Variants in BLTP1 observed in about 807,000 individuals in gnomAD.
BLTP1 encodes fragile site-associated protein.
chr4:122,336,212 G>C, the BLTP1 span: 1 of 1,604,524 alleles, frequency 6.2e-7, no homozygotes, highest in Non-Finnish European at 8.5e-7. Context: ...AGGAAGTGGA[G>C]GAGTAAAAAC....
At chr4:122,179,722 A>T in the BLTP1 span, 1 of 401,922 alleles carries the variant, frequency 2.5e-6, no homozygotes, top group Non-Finnish European at 3.4e-6. Flanking sequence ...GTGCACATAT[A>T]GGTACACTTA....
At chr4:122,303,111 G>A in the BLTP1 span, among the ~76,000 whole-genome samples, 1 of 152,182 alleles carries the variant, frequency 6.6e-6, no homozygotes, top group Non-Finnish European at 1.5e-5. Context: ...GGCTTCAAAG[G>A]ACAGGCTGAC....
the BLTP1 span, chr4:122,256,012 G>A: frequency 1.0e-6 from 1 of 967,180 alleles, no homozygotes. Flanking sequence ...ATGATTGAGG[G>A]GAGAATATAC....
At chr4:122,179,196 A>G in the BLTP1 span, among the ~76,000 whole-genome samples, 3 of 152,160 alleles carry the variant, frequency 2.0e-5, no homozygotes, top group Non-Finnish European at 4.4e-5. Context: ...AACATGCCTC[A>G]GGCTGAGTTA....
the BLTP1 span, among the ~76,000 whole-genome samples, chr4:122,180,437 C>T: frequency 6.6e-6 from 1 of 152,150 alleles, no homozygotes; most frequent in Non-Finnish European, 1.5e-5. Context: ...CAGCTCAGCT[C>T]TATTGCACTC....
the BLTP1 span, chr4:122,298,750 T>C: frequency 4.2e-5 from 22 of 525,502 alleles, no homozygotes; most frequent in Non-Finnish European, 5.1e-5. Context: ...TATTGAGGCA[T>C]AGGAATGATT....
the BLTP1 span, chr4:122,175,331 T>C: frequency 0.38 from 337,302 of 887,904 alleles, 64,945 homozygotes; most frequent in Middle Eastern, 0.55. Flanking sequence ...GACTGTAAGT[T>C]CATCCTTTTG....
At chr4:122,276,144 G>C in the BLTP1 span, 3 of 824,598 alleles carry the variant, frequency 3.6e-6, no homozygotes, top group Non-Finnish European at 5.1e-6. Context: ...CTGTAATATA[G>C]GCCCTTTTAT....
chr4:122,222,124 C>A, the BLTP1 span, among the ~76,000 whole-genome samples: 1 of 152,144 alleles, frequency 6.6e-6, no homozygotes, highest in Non-Finnish European at 1.5e-5. Context: ...ACAACTTACC[C>A]CGAAGACAAA....
the BLTP1 span, chr4:122,243,740 C>T: frequency 1.6e-6 from 2 of 1,276,254 alleles, no homozygotes; most frequent in African/African-American, 3.1e-5. Context: ...AAGTCAAGTC[C>T]AATTCCATAA....
chr4:122,165,447 C>A, the BLTP1 span, among the ~76,000 whole-genome samples: 1 of 148,422 alleles, frequency 6.7e-6, no homozygotes, highest in African/African-American at 2.4e-5. Flanking sequence ...GTATATGTGC[C>A]ACATTTTCTT....
At chr4:122,225,144 C>A in the BLTP1 span, 1 of 483,864 alleles carries the variant, frequency 2.1e-6, no homozygotes, top group Non-Finnish European at 2.7e-6. Context: ...CTTTGCTTGT[C>A]ATGTCCCAAA....
the BLTP1 span, among the ~76,000 whole-genome samples, chr4:122,152,782 G>A: frequency 7.1e-6 from 1 of 141,466 alleles, no homozygotes; most frequent in Non-Finnish European, 1.6e-5. Context: ...CAGTGGCAAA[G>A]TCTGGAAGGG....
the BLTP1 span, among the ~76,000 whole-genome samples, chr4:122,158,337 A>G: frequency 2.4e-3 from 373 of 152,322 alleles, 4 homozygotes; most frequent in East Asian, 0.026. Context: ...TTTAAGGAGT[A>G]TGCTGAAGGT....
chr4:122,199,263 C>T, the BLTP1 span: 5 of 1,497,774 alleles, frequency 3.3e-6, no homozygotes, highest in South Asian at 5.4e-5. Context: ...TTCAAGGATT[C>T]CTTCTTTGAG....
chr4:122,296,698 T>C, the BLTP1 span, among the ~76,000 whole-genome samples: 1 of 152,136 alleles, frequency 6.6e-6, no homozygotes, highest in Admixed American at 6.6e-5. Flanking sequence ...AACACAGCAT[T>C]GTACTGGTAC....
chr4:122,191,236 C>G, the BLTP1 span, among the ~76,000 whole-genome samples: 1 of 151,462 alleles, frequency 6.6e-6, no homozygotes, highest in Non-Finnish European at 1.5e-5. Flanking sequence ...AGGAAAAGCA[C>G]TTGTATGATT....
At chr4:122,246,679 T>C in the BLTP1 span, 1 of 1,609,924 alleles carries the variant, frequency 6.2e-7, no homozygotes, top group African/African-American at 1.3e-5. Flanking sequence ...TGTGTGTGTG[T>C]TAGGTAAACT....
chr4:122,280,241 G>A, the BLTP1 span: 5 of 961,414 alleles, frequency 5.2e-6, no homozygotes, highest in East Asian at 5.7e-4. Flanking sequence ...AGATTTGTGG[G>A]TATTGTAAGA....
Sources: allele counts gnomAD v4.1 joint callset (sites outside exome capture counted in the v4.1 genomes callset), GRCh38; gene constraint gnomAD v4.1.1; transcripts MANE v1.5; gene names NCBI Gene and HGNC (gene_info 2026-07-23, HGNC 2026-07-21).